Variants in HIP1 observed in about 807,000 individuals in gnomAD.
HIP1 encodes the protein huntingtin interacting protein 1.
Under a neutral mutation model 147.6 loss-of-function variants are expected in HIP1, and 65 were observed. That is an observed-to-expected ratio of 0.44 (90% CI 0.36 to 0.54). HIP1 has a LOEUF of 0.54. Among genes scored for constraint, HIP1 ranks in the 20% least tolerant of loss-of-function variants. HIP1 has a pLI of 0.00. For synonymous variants in HIP1, 479 were observed against 504.0 expected (o/e 0.95, Z 0.67); for missense variants, 1,061 against 1,299.6 (o/e 0.82, Z 2.82).
intron 1 of HIP1, among the ~76,000 whole-genome samples, chr7:75,622,691 A>T (rs1315171790): frequency 1.3e-5 from 2 of 152,010 alleles, no homozygotes; most frequent in African/African-American, 4.8e-5. Context: ...GAAGAAATGC[A>T]TTTTGACCGG....
chr7:75,661,707 G>T (rs1238458231), intron 1 of HIP1, among the ~76,000 whole-genome samples: 1 of 151,996 alleles, frequency 6.6e-6, no homozygotes, highest in African/African-American at 2.4e-5. Flanking sequence ...GGAGCAAAAG[G>T]TGCTACAAGT....
chr7:75,677,916 G>A lies in HIP1; in HGVS notation c.120+60885C>T, dbSNP rs568090031. Among the ~76,000 whole-genome samples, 21 of 152,092 alleles carry A rather than the reference G, an allele frequency of 1.4e-4. No homozygotes were observed. In the South Asian group the frequency reaches 3.5e-3, roughly 26 times the overall value. On this transcript the variant is annotated intron_variant, in intron 1 of 30. Transcript: ENST00000336926. ...CTTCATTATGGCCTCTGATCAAATG[G>A]TACTTCATCAAATGGTTTTCCAACC...
At chr7:75,716,672 A>G (rs1414185234) in intron 1 of HIP1, among the ~76,000 whole-genome samples, 3 of 151,290 alleles carry the variant, frequency 2.0e-5, no homozygotes, top group African/African-American at 7.3e-5. Flanking sequence ...GGCGCCCACC[A>G]ACATGCCCGG....
chr7:75,622,235 C>A (rs1433101483), intron 1 of HIP1, among the ~76,000 whole-genome samples: 1 of 151,942 alleles, frequency 6.6e-6, no homozygotes, highest in Admixed American at 6.6e-5. Context: ...TGAGATCATG[C>A]CACTGCACTC....
intron 1 of HIP1, among the ~76,000 whole-genome samples, chr7:75,704,402 G>A (rs765652169): frequency 3.2e-4 from 49 of 151,756 alleles, no homozygotes; most frequent in Middle Eastern, 3.4e-3. Context: ...CCAGCACCAC[G>A]CCTGGCTAAT....
At position 75,538,221 on chromosome 7, in the gene HIP1, G is replaced by T. The variant is rs1794159245; in HGVS notation, c.3065C>A (p.Thr1022Lys). The T allele has an allele frequency of 1.2e-6, 2 of 1,612,322 alleles. No homozygotes were observed. Among genetic ancestry groups the T allele is most frequent in the South Asian group, 2.2e-5 (2 of 91,046 alleles). ...TTGCAGTGTAGGTGGAGATGCCTCT[G>T]TTCCTAAAAGACAATGATAATTTAT... ...AGVAEGWEEG[T>K]EASPPTLQEV... The change falls in exon 31 of 31, where the codon ACA (threonine) becomes AAA (lysine). Residue 1022 changes from threonine (T) to lysine (K), a missense_variant. By Grantham distance (78) the Thr-to-Lys change is moderately conservative (BLOSUM62 -1). Transcript: ENST00000336926.
chr7:75,549,377 T>C (rs188898725), intron 22 of HIP1, among the ~76,000 whole-genome samples: 144 of 146,562 alleles, frequency 9.8e-4, no homozygotes, highest in African/African-American at 2.7e-3. Flanking sequence ...CTTTTCTTTT[T>C]TTTTTTTTTT....
In HIP1 at chr7:75,581,367, C is replaced by G. The variant is rs1243596117; in HGVS notation, c.543-69G>C. On this transcript the variant is annotated intron_variant, in intron 6 of 30. Coordinates refer to ENST00000336926, the MANE Select transcript of HIP1 (RefSeq NM_005338.7). The stretch of plus-strand genomic sequence containing the variant: ...CCGGTCTGTTACCTGTCCCCTCCCC[C>G]ACGCTCTACGCTACTCCAGTCTCCA... 9.7e-6 allele frequency: 11 copies of G among 1,133,308 alleles called. No homozygotes were observed. The South Asian group carries it at 1.3e-4, about 13-fold the overall frequency. The allele number at this position is 1,133,308 out of a possible 1,614,324, so 70.2% of individuals were successfully genotyped here.
intron 1 of HIP1, among the ~76,000 whole-genome samples, chr7:75,735,016 T>C (rs531134350): frequency 2.6e-5 from 4 of 152,224 alleles, no homozygotes; most frequent in Non-Finnish European, 4.4e-5. Context: ...CTCGGGTTCG[T>C]CTCCCCAGTC....
intron 1 of HIP1, among the ~76,000 whole-genome samples, chr7:75,676,419 G>T (rs1215267614): frequency 6.6e-6 from 1 of 152,104 alleles, no homozygotes; most frequent in Non-Finnish European, 1.5e-5. Flanking sequence ...GTCCTTCCTG[G>T]GCACACACGC....
intron 1 of HIP1, among the ~76,000 whole-genome samples, chr7:75,619,756 A>G (rs978445147): frequency 5.3e-5 from 8 of 152,174 alleles, no homozygotes; most frequent in South Asian, 4.1e-4. Flanking sequence ...CCGTTAGTAC[A>G]TTTAAGAGAG....
intron 1 of HIP1, chr7:75,611,869 T>A: frequency 9.8e-7 from 1 of 1,019,112 alleles, no homozygotes; most frequent in Non-Finnish European, 1.2e-6. Flanking sequence ...GAAGGGCGCC[T>A]TTCTCCCAGC....
chr7:75,720,730 C>T (rs1349925567), intron 1 of HIP1, among the ~76,000 whole-genome samples: 1 of 152,130 alleles, frequency 6.6e-6, no homozygotes, highest in African/African-American at 2.4e-5. Flanking sequence ...TTCTCCTGGC[C>T]TGGGCAACAT....
chr7:75,625,206 T>C (rs1797994731), intron 1 of HIP1: 1 of 152,076 alleles, frequency 6.6e-6, no homozygotes, highest in Non-Finnish European at 1.5e-5. Context: ...TAAGCCACCA[T>C]TGTTTAAGTT....
chr7:75,557,347 CA>C (rs1171311564), intron 16 of HIP1, among the ~76,000 whole-genome samples: 1 of 148,410 alleles, frequency 6.7e-6, no homozygotes, highest in African/African-American at 2.5e-5. Context: ...ACAAAACAAA[CA>C]AACAAAAAAA....
At chr7:75,719,094 G>A (rs1319987165) in intron 1 of HIP1, among the ~76,000 whole-genome samples, 2 of 152,106 alleles carry the variant, frequency 1.3e-5, no homozygotes, top group African/African-American at 2.4e-5. Context: ...GAGGTGGGAG[G>A]ATCGCTTGAG....
chr7:75,683,056 C>T (rs782048652), intron 1 of HIP1, among the ~76,000 whole-genome samples: 5 of 151,884 alleles, frequency 3.3e-5, no homozygotes, highest in Non-Finnish European at 7.4e-5. Context: ...GATCTCGGCT[C>T]ACTGCAAACT....
chr7:75,735,169 G>A (rs1301685955), intron 1 of HIP1, among the ~76,000 whole-genome samples: 1 of 152,190 alleles, frequency 6.6e-6, no homozygotes, highest in Non-Finnish European at 1.5e-5. Flanking sequence ...GGCTTAGAAA[G>A]GTTAGACAAC....
chr7:75,656,956 G>A lies in HIP1; in HGVS notation c.121-57709C>T, dbSNP rs1453095983. On this transcript the variant is annotated intron_variant, in intron 1 of 30. Transcript: ENST00000336926. ...GAATGTTCCCACAAGTTCACAATGA[G>A]CCACGTTCAAGGACATTCCCTGAAG... Among the ~76,000 whole-genome samples the A allele has an allele frequency of 2.6e-5, 4 of 152,178 alleles. No homozygotes were observed. In the East Asian group the frequency reaches 7.7e-4, roughly 29 times the overall value.
Sources: allele counts gnomAD v4.1 joint callset (sites outside exome capture counted in the v4.1 genomes callset), GRCh38; gene constraint gnomAD v4.1.1; transcripts MANE v1.5; gene names NCBI Gene and HGNC (gene_info 2026-07-23, HGNC 2026-07-21).